GATAD2B: variants seen among roughly 807,000 people sequenced by gnomAD.
GATAD2B encodes the protein transcriptional repressor p66-beta.
Under a neutral mutation model 64.3 loss-of-function variants are expected in GATAD2B, and 8 were observed. The observed-to-expected ratio is 0.12, with a 90% CI of 0.07 to 0.22. GATAD2B has a LOEUF of 0.22. Ranked by LOEUF, GATAD2B falls within the 10% of genes least tolerant of loss-of-function variation. GATAD2B has a pLI of 1.00. For synonymous variants in GATAD2B, 281 were observed against 271.3 expected, an observed-to-expected ratio of 1.04 and a Z score of -0.35; for missense variants, 453 against 752.0, an observed-to-expected ratio of 0.60 and a Z score of 4.65.
intron 2 of GATAD2B, among the ~76,000 whole-genome samples, chr1:153,822,648 T>G (rs1369402794): frequency 6.6e-6 from 1 of 152,006 alleles, no homozygotes; most frequent in Non-Finnish European, 1.5e-5. Context: ...GGATTACATG[T>G]GCCCGCCACC....
intron 1 of GATAD2B, among the ~76,000 whole-genome samples, chr1:153,898,246 G>C (rs1269274557): frequency 7.2e-6 from 1 of 138,346 alleles, no homozygotes; most frequent in Non-Finnish European, 1.5e-5. Context: ...GTTCAAGCCT[G>C]TAGTGAGCTA....
chr1:153,819,793 G>A, intron 2 of GATAD2B, 58 bp from the exon 3 acceptor site: 4 of 1,507,278 alleles, frequency 2.7e-6, no homozygotes, highest in Non-Finnish European at 3.6e-6. Flanking sequence ...AAACTTCTAT[G>A]CTGAATTAAA....
intron 1 of GATAD2B, chr1:153,898,887 T>C (rs1376072126): frequency 1.3e-5 from 2 of 152,202 alleles, no homozygotes; most frequent in Admixed American, 6.6e-5. Context: ...CTGAAAACAG[T>C]ATGACCCTGC....
chr1:153,872,034 T>C (rs888883731), intron 1 of GATAD2B, among the ~76,000 whole-genome samples: 2 of 152,032 alleles, frequency 1.3e-5, no homozygotes, highest in Non-Finnish European at 2.9e-5. Context: ...AAAAGCAACC[T>C]AGGCTAGGCG....
Position 153,805,649 on chromosome 1 carries a change from C to A in GATAD2B, c.*4528G>T, listed in dbSNP as rs1050670544. 6.2e-4 allele frequency: 94 copies of A among 152,308 alleles called. No homozygotes were observed. The highest frequency in any genetic ancestry group is 2.2e-3 in the African/African-American group (91 of 41,566). The allele number at this position is 152,308 out of a possible 1,614,324, so 9.4% of individuals were successfully genotyped here. The stretch of plus-strand genomic sequence containing the variant: ...GTTTCTGGGCCCAACACTTTCCTCA[C>A]CTCAAGTTGTTTTTTGGTTTTGGCA... On this transcript the variant is annotated 3_prime_UTR_variant, in exon 11 of 11. Transcript: ENST00000368655.
intron 2 of GATAD2B, among the ~76,000 whole-genome samples, chr1:153,824,994 G>A (rs916632165): frequency 2.0e-5 from 3 of 152,126 alleles, no homozygotes; most frequent in African/African-American, 7.2e-5. Context: ...GCTAAGGAGC[G>A]AGGATTGCTT....
rs71093286 is a variant in GATAD2B, at chr1:153,816,059, A to AACACACACACACACAC, written c.1216+198_1216+213dup. Among the ~76,000 whole-genome samples, 540 of 141,862 alleles carry AACACACACACACACAC rather than the reference A, an allele frequency of 3.8e-3. 4 individuals carry two copies. The highest frequency in any genetic ancestry group is 0.014 in the Middle Eastern group (4 of 276). 93.1% of individuals were successfully genotyped at this position (141,862 alleles called of 152,430 possible). A position where few individuals can be genotyped will look rare whatever the true frequency, so the allele number is the denominator to read the frequency against. On this transcript the variant is annotated intron_variant, in intron 7 of 10. Transcript: ENST00000368655. This position sits in a 1 kb window ranked among gnomAD's most constrained non-coding sequence, Gnocchi z 4.9. ...CAGAGCGAGACTGCATCTCAAACAA[A>AACACACACACACACAC]ACACACACACACACACACACACACA...
At position 153,816,822 on chromosome 1, in the gene GATAD2B, G is replaced by A. The variant is rs1162710823; in HGVS notation, c.901-234C>T. 3.9e-5 allele frequency among the ~76,000 whole-genome samples: 6 copies of A among 152,166 alleles called. No homozygotes were observed. Among genetic ancestry groups the A allele is most frequent in the African/African-American group, 7.2e-5 (3 of 41,436 alleles). ...ATAAAGGCCACGCGTGGTGGCTCAC[G>A]CCTATAATCTCAGCACTTTGGGAGG... On this transcript the variant is annotated intron_variant, in intron 6 of 10. Transcript: ENST00000368655. This position sits in a 1 kb window ranked among gnomAD's most constrained non-coding sequence, Gnocchi z 4.9.
chr1:153,874,705 T>C (rs1436623935), intron 1 of GATAD2B, among the ~76,000 whole-genome samples: 1 of 152,052 alleles, frequency 6.6e-6, no homozygotes. Flanking sequence ...GTCTCCCAAG[T>C]AGCTGGGACT....
chr1:153,839,807 T>C (rs1194121014), intron 1 of GATAD2B, among the ~76,000 whole-genome samples: 1 of 151,814 alleles, frequency 6.6e-6, no homozygotes, highest in Non-Finnish European at 1.5e-5. Context: ...CCATCTCTAC[T>C]AAAAACACAA....
At chr1:153,908,586 A>G (rs1678019732) in intron 1 of GATAD2B, among the ~76,000 whole-genome samples, 1 of 151,400 alleles carries the variant, frequency 6.6e-6, no homozygotes, top group Admixed American at 6.6e-5. Flanking sequence ...CTCCTGCCTC[A>G]GCCTTCCCAG....
At chr1:153,886,887 A>G (rs1297041038) in intron 1 of GATAD2B, among the ~76,000 whole-genome samples, 2 of 152,018 alleles carry the variant, frequency 1.3e-5, no homozygotes, top group Non-Finnish European at 2.9e-5. Flanking sequence ...TAAAAAGCCA[A>G]CATTATGCTG....
intron 1 of GATAD2B, among the ~76,000 whole-genome samples, chr1:153,906,973 T>G (rs1036964392): frequency 2.6e-5 from 4 of 152,242 alleles, no homozygotes; most frequent in African/African-American, 9.6e-5. Context: ...GAATTCCTAT[T>G]CAAAAACAAA....
chr1:153,920,049 C>A (rs13374878), intron 1 of GATAD2B, among the ~76,000 whole-genome samples: 1 of 152,162 alleles, frequency 6.6e-6, no homozygotes, highest in African/African-American at 2.4e-5. Context: ...CAGCATGACT[C>A]CCAATGGGGT....
chr1:153,880,586 T>C (rs1427342365), intron 1 of GATAD2B, among the ~76,000 whole-genome samples: 1 of 152,092 alleles, frequency 6.6e-6, no homozygotes, highest in Non-Finnish European at 1.5e-5. Context: ...GCATTTCTCT[T>C]TTAATCATTC....
intron 1 of GATAD2B, among the ~76,000 whole-genome samples, chr1:153,912,191 T>A (rs1018839167): frequency 4.6e-5 from 7 of 152,208 alleles, no homozygotes; most frequent in African/African-American, 1.4e-4. Flanking sequence ...AAAATGTTCA[T>A]AAAGGGTGGT....
At chr1:153,897,220 G>T (rs1677625212) in intron 1 of GATAD2B, among the ~76,000 whole-genome samples, 2 of 151,880 alleles carry the variant, frequency 1.3e-5, no homozygotes, top group Non-Finnish European at 2.9e-5. Context: ...TAGTAGAGAC[G>T]GGGTTTCACT....
intron 1 of GATAD2B, among the ~76,000 whole-genome samples, chr1:153,892,513 T>A (rs569234405): frequency 6.6e-6 from 1 of 152,096 alleles, no homozygotes; most frequent in East Asian, 1.9e-4. Flanking sequence ...CATGAATACA[T>A]AGCTGCTCAT....
At chr1:153,874,171 A>G (rs1570979343) in intron 1 of GATAD2B, among the ~76,000 whole-genome samples, 2 of 152,032 alleles carry the variant, frequency 1.3e-5, no homozygotes, top group African/African-American at 4.8e-5. Flanking sequence ...CTGAGGCAGG[A>G]GAATCGCTTG....
Sources: allele counts gnomAD v4.1 joint callset (sites outside exome capture counted in the v4.1 genomes callset), GRCh38; gene constraint gnomAD v4.1.1; non-coding constraint Gnocchi (gnomAD v3.1); transcripts MANE v1.5; gene names NCBI Gene and HGNC (gene_info 2026-07-23, HGNC 2026-07-21).